The following MGAT4C variants were observed in gnomAD, a reference collection of about 807,000 sequenced individuals.
MGAT4C encodes the protein alpha-1,3-mannosyl-glycoprotein 4-beta-N-acetylglucosaminyltransferase C.
MGAT4C carries 19 observed loss-of-function variants against 40.1 expected under a neutral mutation model. The ratio of observed to expected loss-of-function variants is 0.47; its 90% CI spans 0.33 to 0.70. The LOEUF (loss-of-function observed/expected upper bound fraction) is 0.70, where lower values mean the gene tolerates loss of function less well. Ranked by LOEUF, MGAT4C falls within the 30% of genes least tolerant of loss-of-function variation. The pLI is 0.02. For missense variants in MGAT4C, 491 were observed against 563.2 expected (o/e 0.87, Z 1.30); for synonymous variants, 181 against 187.1 (o/e 0.97, Z 0.27).
chr12:86,613,805 G>A (rs564540115), intron 2 of MGAT4C, among the ~76,000 whole-genome samples: 13 of 151,996 alleles, frequency 8.6e-5, no homozygotes, highest in Non-Finnish European at 1.8e-4. Flanking sequence ...CAGAAAGTAA[G>A]ATTACAAAAT....
intron 3 of MGAT4C, among the ~76,000 whole-genome samples, chr12:86,371,131 A>C (rs575928000): frequency 6.6e-6 from 1 of 152,124 alleles, no homozygotes; most frequent in South Asian, 2.1e-4. Context: ...GCTCCAGCTA[A>C]AGAGGACTAA....
At chr12:86,595,463 G>A (rs1184104310) in intron 2 of MGAT4C, among the ~76,000 whole-genome samples, 3 of 151,806 alleles carry the variant, frequency 2.0e-5, no homozygotes, top group East Asian at 1.9e-4. Flanking sequence ...TCCGTGAGGC[G>A]GAGGTTGCAG....
intron 2 of MGAT4C, among the ~76,000 whole-genome samples, chr12:86,525,208 A>C (rs937361293): frequency 7.9e-5 from 12 of 152,110 alleles, no homozygotes; most frequent in Non-Finnish European, 1.8e-4. Context: ...CATTATACTG[A>C]GTGAGTTCTC....
chr12:86,576,558 C>A (rs1394976829), intron 2 of MGAT4C, among the ~76,000 whole-genome samples: 1 of 151,880 alleles, frequency 6.6e-6, no homozygotes, highest in Non-Finnish European at 1.5e-5. Flanking sequence ...GTTTTTCCAG[C>A]ACCATTTATT....
At chr12:86,612,803 T>A (rs1007880460) in intron 2 of MGAT4C, among the ~76,000 whole-genome samples, 1 of 151,990 alleles carries the variant, frequency 6.6e-6, no homozygotes, top group African/African-American at 2.4e-5. Flanking sequence ...TAAGCTGTTT[T>A]TCAGAAAGAA....
At chr12:86,509,087 G>C (rs1419630914) in intron 2 of MGAT4C, among the ~76,000 whole-genome samples, 1 of 152,014 alleles carries the variant, frequency 6.6e-6, no homozygotes, top group Non-Finnish European at 1.5e-5. Context: ...TGTCAATTTT[G>C]TCTTTTGTTG....
rs1451088024 is a variant in MGAT4C at position 85,983,656 on chromosome 12, T to C, written c.162A>G (p.Gln54=). The C allele has an allele frequency of 6.3e-7, 1 of 1,581,694 alleles. No homozygotes were observed. The highest frequency in any genetic ancestry group is 8.6e-7 in the Non-Finnish European group (1 of 1,166,366). Residue 54 remains glutamine, a synonymous_variant, in exon 4 of 5, where the codon CAA becomes CAG. Transcript: ENST00000611864. ...GATGTGTGGATGTTTCCCTTATAAG[T>C]TGTTTGTCTCCTTCCTAAATACCAA... is the stretch of plus-strand genomic sequence containing the variant. ...EDSYVLEGDK[Q]LIRETSTHQL... is the part of the protein sequence containing the mutation.
chr12:86,373,653 G>GTT (rs57145324), intron 3 of MGAT4C, among the ~76,000 whole-genome samples: 11 of 144,130 alleles, frequency 7.6e-5, no homozygotes, highest in Admixed American at 2.1e-4. Context: ...AAAGAAAATA[G>GTT]TTTTTTTTTT....
chr12:86,573,391 G>T (rs1960442730), intron 2 of MGAT4C, among the ~76,000 whole-genome samples: 1 of 151,976 alleles, frequency 6.6e-6, no homozygotes, highest in Admixed American at 6.6e-5. Flanking sequence ...AGAAGTAAAT[G>T]ATCCTACAGT....
At chr12:86,092,821 T>C (rs1873120095) in intron 1 of MGAT4C, among the ~76,000 whole-genome samples, 1 of 152,100 alleles carries the variant, frequency 6.6e-6, no homozygotes, top group East Asian at 1.9e-4. Context: ...ACGGTTCCTT[T>C]AACTCATCAT....
At chr12:86,187,065 C>T (rs148488354) in intron 1 of MGAT4C, among the ~76,000 whole-genome samples, 72 of 152,174 alleles carry the variant, frequency 4.7e-4, no homozygotes, top group African/African-American at 1.7e-3. Context: ...TAGGCATGCA[C>T]ACATTCTGCA....
intron 4 of MGAT4C, among the ~76,000 whole-genome samples, chr12:86,275,692 G>T (rs1953060260): frequency 6.6e-6 from 1 of 152,090 alleles, no homozygotes; most frequent in Non-Finnish European, 1.5e-5. Context: ...AAGGCCATTT[G>T]CCAAATAATT....
At chr12:86,106,041 C>T (rs569380855) in intron 1 of MGAT4C, among the ~76,000 whole-genome samples, 6 of 152,212 alleles carry the variant, frequency 3.9e-5, no homozygotes, top group African/African-American at 1.4e-4. Context: ...GTGCTATATT[C>T]TTTCTAGTTT....
At chr12:86,003,986 G>A (rs1023239594) in intron 2 of MGAT4C, among the ~76,000 whole-genome samples, 8 of 152,086 alleles carry the variant, frequency 5.3e-5, no homozygotes, top group Non-Finnish European at 1.2e-4. Flanking sequence ...AGAGAACTGA[G>A]AGCTTGCAAT....
chr12:86,004,464 C>T (rs1887667246), intron 2 of MGAT4C, among the ~76,000 whole-genome samples: 2 of 151,958 alleles, frequency 1.3e-5, no homozygotes, highest in Non-Finnish European at 2.9e-5. Flanking sequence ...AATTTTTTGT[C>T]ATTCACATAT....
intron 2 of MGAT4C, among the ~76,000 whole-genome samples, chr12:86,539,613 T>C (rs1045114251): frequency 6.6e-6 from 1 of 152,206 alleles, no homozygotes; most frequent in African/African-American, 2.4e-5. Context: ...TCTTCCACAA[T>C]GGTTGAACTA....
At chr12:86,537,647 G>T (rs1281913994) in intron 2 of MGAT4C, among the ~76,000 whole-genome samples, 1 of 152,130 alleles carries the variant, frequency 6.6e-6, no homozygotes, top group East Asian at 1.9e-4. Context: ...CTGGCACACA[G>T]TAGAACTTTA....
chr12:85,991,701 G>T (rs561440662), intron 2 of MGAT4C, among the ~76,000 whole-genome samples: 3 of 152,206 alleles, frequency 2.0e-5, no homozygotes, highest in Non-Finnish European at 4.4e-5. Context: ...TGCCTTGGGG[G>T]AACTCAGTGT....
At chr12:85,982,799 C>T (rs7132527) in intron 4 of MGAT4C, among the ~76,000 whole-genome samples, 13,285 of 152,056 alleles carry the variant, frequency 0.087, 1,319 homozygotes, top group African/African-American at 0.25. Flanking sequence ...TCTTGAGCTG[C>T]AATAATTCTG....
Sources: gnomAD v4.1 joint callset for allele counts (sites outside exome capture counted in the v4.1 genomes callset) on GRCh38, gnomAD v4.1.1 for gene constraint, MANE v1.5 for transcripts, NCBI Gene and HGNC (gene_info 2026-07-23, HGNC 2026-07-21) for gene names.